Variants in ANTXR1 observed in about 807,000 individuals in gnomAD.
ANTXR1 encodes the protein anthrax toxin receptor 1.
A neutral mutation model predicts 78.1 loss-of-function variants in ANTXR1; 19 were observed. The observed-to-expected ratio is 0.24, with a 90% CI of 0.17 to 0.36. ANTXR1 has a LOEUF of 0.36. Among genes scored for constraint, ANTXR1 ranks in the 10% least tolerant of loss-of-function variants. The pLI, the probability that ANTXR1 is intolerant of heterozygous loss-of-function variation, is 1.00. For synonymous variants in ANTXR1, 273 were observed against 260.5 expected, an observed-to-expected ratio of 1.05 and a Z score of -0.46; for missense variants, 518 against 718.6, an observed-to-expected ratio of 0.72 and a Z score of 3.19.
At chr2:69,138,140 G>A (rs77140593) in intron 12 of ANTXR1, among the ~76,000 whole-genome samples, 10,308 of 151,638 alleles carry the variant, frequency 0.068, 407 homozygotes, top group African/African-American at 0.099. Context: ...TTGGTAGAGG[G>A]GGGAAGGAGT....
At chr2:69,205,561 T>C (rs1313989232) in intron 17 of ANTXR1, among the ~76,000 whole-genome samples, 2 of 151,880 alleles carry the variant, frequency 1.3e-5, no homozygotes, top group Non-Finnish European at 2.9e-5. Context: ...CCTGAATAAG[T>C]TGTAAGCAAT....
Position 69,056,348 on chromosome 2 carries a change from T to C in ANTXR1, c.296+11535T>C, listed in dbSNP as rs190741841. On this transcript the variant is annotated intron_variant, in intron 3 of 17. Coordinates refer to ENST00000303714, the MANE Select transcript of ANTXR1 (RefSeq NM_032208.3). ...ACCAGTGTGGGTGACCTGTTGAGTC[T>C]TGTATTTAATGCTGATTCTGATAGC... Among the ~76,000 whole-genome samples, 252 of 152,332 alleles carry C rather than the reference T, an allele frequency of 1.7e-3. 1 individual carries two copies. The highest frequency in any genetic ancestry group is 2.3e-3 in the Non-Finnish European group (159 of 68,040).
At chr2:69,082,150 C>G (rs1390677381) in intron 8 of ANTXR1, among the ~76,000 whole-genome samples, 1 of 152,198 alleles carries the variant, frequency 6.6e-6, no homozygotes, top group Non-Finnish European at 1.5e-5. Flanking sequence ...GTGGCCTGAT[C>G]TGAATACACC....
At chr2:69,180,299 T>C (rs755345203) in intron 14 of ANTXR1, among the ~76,000 whole-genome samples, 3 of 152,252 alleles carry the variant, frequency 2.0e-5, no homozygotes, top group Non-Finnish European at 2.9e-5. Context: ...GGCTTCAGCA[T>C]TGTGAGCAAT....
At chr2:69,201,963 G>A (rs774540321) in intron 17 of ANTXR1, among the ~76,000 whole-genome samples, 13 of 152,146 alleles carry the variant, frequency 8.5e-5, no homozygotes, top group Non-Finnish European at 1.3e-4. Flanking sequence ...AGGGACCTGC[G>A]AGTACATGCC....
At chr2:69,052,752 T>C (rs2104124220) in intron 3 of ANTXR1, among the ~76,000 whole-genome samples, 1 of 152,268 alleles carries the variant, frequency 6.6e-6, no homozygotes, top group East Asian at 1.9e-4. Flanking sequence ...CAATATCTCT[T>C]TATATTCTAA....
intron 9 of ANTXR1, among the ~76,000 whole-genome samples, chr2:69,091,422 G>A (rs1371013940): frequency 6.9e-6 from 1 of 145,204 alleles, no homozygotes; most frequent in Non-Finnish European, 1.5e-5. Context: ...CTCCAGCCTG[G>A]GTGACAGAGC....
intron 13 of ANTXR1, among the ~76,000 whole-genome samples, chr2:69,164,401 C>T (rs560393284): frequency 1.3e-5 from 2 of 152,324 alleles, no homozygotes; most frequent in East Asian, 3.9e-4. Flanking sequence ...ATTTGAGAGG[C>T]AAGGAAGTTT....
rs1670919454 is a variant in ANTXR1 at position 69,013,321 on chromosome 2, C to A, written c.-179C>A. 1.2e-6 allele frequency: 1 copy of A among 810,756 alleles called. No homozygotes were observed. The highest frequency in any genetic ancestry group is 2.0e-6 in the Non-Finnish European group (1 of 508,136). 50.2% of individuals were successfully genotyped at this position (810,756 alleles called of 1,614,324 possible). ...CCGAAACCCAGAAACAGCATCGGAG[C>A]GGAAACCAGAGGGGAAACCTTGAAC... On this transcript the variant is annotated 5_prime_UTR_variant, in exon 1 of 18. Transcript: ENST00000303714. The surrounding 1 kb of genome is among the most constrained non-coding windows in gnomAD (Gnocchi z 5.0).
At chr2:69,115,512 G>A (rs956591338) in intron 10 of ANTXR1, among the ~76,000 whole-genome samples, 3 of 152,178 alleles carry the variant, frequency 2.0e-5, no homozygotes, top group African/African-American at 7.2e-5. Flanking sequence ...TATTATAGAT[G>A]ACAATTTTGA....
rs1184952211 is a variant in ANTXR1, at chr2:69,081,308, A to G, written c.642+3820A>G. Among the ~76,000 whole-genome samples, 3 of 152,164 alleles carry G rather than the reference A, an allele frequency of 2.0e-5. No homozygotes were observed. In the East Asian group the frequency reaches 5.8e-4, roughly 29 times the overall value. On this transcript the variant is annotated intron_variant, in intron 8 of 17. Coordinates refer to ENST00000303714, the MANE Select transcript of ANTXR1 (RefSeq NM_032208.3). ...CCATAAATGTCTGAGGAAATGGAAAATCACCACTGGATTACCAGAAGCCAG... is the reference window on the plus strand; with the variant it reads ...CCATAAATGTCTGAGGAAATGGAAAGTCACCACTGGATTACCAGAAGCCAG...
At chr2:69,233,332 AC>A (rs1354998581) in intron 17 of ANTXR1, among the ~76,000 whole-genome samples, 1 of 151,960 alleles carries the variant, frequency 6.6e-6, no homozygotes, top group African/African-American at 2.4e-5. Flanking sequence ...GGCCAAATTC[AC>A]CTGTGAATTT....
intron 13 of ANTXR1, among the ~76,000 whole-genome samples, chr2:69,162,563 C>T (rs781649244): frequency 3.3e-5 from 5 of 152,098 alleles, no homozygotes; most frequent in Non-Finnish European, 2.9e-5. Context: ...TAGGTAAATG[C>T]CTACTACACA....
At chr2:69,129,699 C>T (rs140257558) in intron 12 of ANTXR1, among the ~76,000 whole-genome samples, 6,423 of 150,948 alleles carry the variant, frequency 0.043, 459 homozygotes, top group African/African-American at 0.15. Flanking sequence ...TACAGTGAGC[C>T]GAGATTGCAC....
At chr2:69,034,569 C>T (rs558834733) in intron 1 of ANTXR1, among the ~76,000 whole-genome samples, 169 of 152,192 alleles carry the variant, frequency 1.1e-3, no homozygotes, top group African/African-American at 3.9e-3. Context: ...TTAATGGAGT[C>T]GAAATTAGGG....
chr2:69,203,880 T>C (rs1023277988), intron 17 of ANTXR1, among the ~76,000 whole-genome samples: 5 of 152,176 alleles, frequency 3.3e-5, no homozygotes, highest in African/African-American at 1.2e-4. Flanking sequence ...GGAATCAGGT[T>C]GCAAATAGCA....
intron 2 of ANTXR1, among the ~76,000 whole-genome samples, chr2:69,044,352 G>A (rs1421688736): frequency 6.6e-6 from 1 of 151,362 alleles, no homozygotes; most frequent in East Asian, 1.9e-4. Context: ...GAATACACCA[G>A]GCTACCGTGG....
Position 69,123,062 on chromosome 2 carries a change from C to T in ANTXR1, c.848C>T (p.Ala283Val), listed in dbSNP as rs768355159. The change falls in exon 11 of 18, where the codon GCG becomes GTG. Residue 283 changes from alanine to valine, a missense_variant. Physicochemically the swap from Ala to Val is moderately conservative, Grantham distance 64. Coordinates refer to ENST00000303714, the MANE Select transcript of ANTXR1 (RefSeq NM_032208.3). Reference protein sequence around the residue: ...SVEDTYLLCPAPILKEVGMKA... With the variant: ...SVEDTYLLCPVPILKEVGMKA... ...GAAGATACTTATTTACTGTGTCCAGCGCCTATCTTAAAAGAAGTTGGCATG... is the reference window on the plus strand; with the variant it reads ...GAAGATACTTATTTACTGTGTCCAGTGCCTATCTTAAAAGAAGTTGGCATG... 3.1e-6 allele frequency: 5 copies of T among 1,614,116 alleles called. No homozygotes were observed. Among genetic ancestry groups the T allele is most frequent in the East Asian group, 2.2e-5 (1 of 44,886 alleles).
chr2:69,083,268 G>A (rs1235375413), intron 8 of ANTXR1, among the ~76,000 whole-genome samples: 1 of 152,212 alleles, frequency 6.6e-6, no homozygotes, highest in Non-Finnish European at 1.5e-5. Context: ...GAAAGTGTCT[G>A]CCTTATTGAA....
Sources: gnomAD v4.1 joint callset for allele counts (sites outside exome capture counted in the v4.1 genomes callset) on GRCh38, gnomAD v4.1.1 for gene constraint, Gnocchi (gnomAD v3.1) non-coding constraint, MANE v1.5 for transcripts, NCBI Gene and HGNC (gene_info 2026-07-23, HGNC 2026-07-21) for gene names.